The following SPNS2 variants were observed in gnomAD, a reference collection of about 807,000 sequenced individuals.
The protein encoded by SPNS2 is SPNS lysolipid transporter 2, sphingosine-1-phosphate.
Under a neutral mutation model 57.6 loss-of-function variants are expected in SPNS2, and 37 were observed. That is an observed-to-expected ratio of 0.64 (90% CI 0.49 to 0.85). The LOEUF is 0.85. Among genes scored for constraint, SPNS2 ranks in the 40% least tolerant of loss-of-function variants. The pLI is 0.00. For synonymous variants in SPNS2, 440 were observed against 346.9 expected (o/e 1.27, Z -2.98); for missense variants, 831 against 779.1 (o/e 1.07, Z -0.79).
intron 1 of SPNS2, among the ~76,000 whole-genome samples, chr17:4,509,631 C>G (rs1265645276): frequency 6.6e-6 from 1 of 152,252 alleles, no homozygotes; most frequent in Non-Finnish European, 1.5e-5. Context: ...CCCAGCGCAG[C>G]CTCCCTGCCA....
Position 4,511,528 on chromosome 17 carries a change from C to T in SPNS2, c.371-1719C>T, listed in dbSNP as rs1284067520. On this transcript the variant is annotated intron_variant, in intron 1 of 12. Coordinates refer to ENST00000329078, the MANE Select transcript of SPNS2 (RefSeq NM_001124758.3). This position sits in a 1 kb window ranked among gnomAD's most constrained non-coding sequence, Gnocchi z 4.6. ...CAGGAGGGGGAACAGAGTCCTGACCCAGAAAGGAATGGGTTGTGGGGCTGT... is the reference window on the plus strand; with the variant it reads ...CAGGAGGGGGAACAGAGTCCTGACCTAGAAAGGAATGGGTTGTGGGGCTGT... Among the ~76,000 whole-genome samples, 1 of 152,152 alleles carries T rather than the reference C, an allele frequency of 6.6e-6. No homozygotes were observed. The highest frequency in any genetic ancestry group is 1.5e-5 in the Non-Finnish European group (1 of 68,024).
At chr17:4,518,732 C>G (rs1026229775) in intron 2 of SPNS2, among the ~76,000 whole-genome samples, 3 of 152,150 alleles carry the variant, frequency 2.0e-5, no homozygotes, top group African/African-American at 7.2e-5. Context: ...CCAGACAGTG[C>G]CTCTGTTTTG....
At chr17:4,518,517 C>T (rs1462802367) in intron 2 of SPNS2, among the ~76,000 whole-genome samples, 7 of 151,954 alleles carry the variant, frequency 4.6e-5, no homozygotes, top group African/African-American at 7.3e-5. Flanking sequence ...AGCGAGACTC[C>T]GTCTCAAAAA....
chr17:4,531,346 C>A (rs954383809), intron 5 of SPNS2, among the ~76,000 whole-genome samples: 3 of 152,098 alleles, frequency 2.0e-5, no homozygotes, highest in Non-Finnish European at 4.4e-5. Flanking sequence ...GCCCTCGGGG[C>A]CCCCAGGCTG....
intron 2 of SPNS2, among the ~76,000 whole-genome samples, chr17:4,517,930 T>C (rs1905037074): frequency 6.6e-6 from 1 of 152,218 alleles, no homozygotes; most frequent in Admixed American, 6.5e-5. Context: ...GGTGAGTTAA[T>C]GAGTAGACTA....
At chr17:4,533,596 T>C (rs1905608029) in intron 8 of SPNS2, 164 bp downstream of exon 8, 10 of 1,014,372 alleles carry the variant, frequency 9.9e-6, no homozygotes, top group Middle Eastern at 4.6e-4. Flanking sequence ...ACACAGCCTG[T>C]CCAGGGCCTC....
rs1597360017 is a variant in SPNS2 at position 4,510,536 on chromosome 17, T to A, written c.371-2711T>A. On this transcript the variant is annotated intron_variant, in intron 1 of 12. Transcript: ENST00000329078. The surrounding 1 kb of genome is among the most constrained non-coding windows in gnomAD (Gnocchi z 4.4). ...GGATACTGCAGGGAGGAAGCGAGAG[T>A]GCTTTGATTTGCCGTGGACACAGGA... Among the ~76,000 whole-genome samples the A allele has an allele frequency of 6.6e-6, 1 of 151,720 alleles. No individual in the cohort carries two copies. Among genetic ancestry groups the A allele is most frequent in the Admixed American group, 6.6e-5 (1 of 15,248 alleles).
At position 4,513,431 on chromosome 17, in the gene SPNS2, G is replaced by A. The variant is rs915763738; in HGVS notation, c.436+119G>A. 4.6e-6 allele frequency: 5 copies of A among 1,080,226 alleles called. No homozygotes were observed. In the African/African-American group the frequency reaches 7.7e-5, roughly 17 times the overall value. The allele number at this position is 1,080,226 out of a possible 1,614,324, so 66.9% of individuals were successfully genotyped here. On this transcript the variant is annotated intron_variant, in intron 2 of 12. Coordinates refer to ENST00000329078, the MANE Select transcript of SPNS2 (RefSeq NM_001124758.3). ...CCCTGTCCTGACTCCTGGAAAGAGAGTGGGCTTTGCATCCCAGTCTCACTA... is the reference window on the plus strand; with the variant it reads ...CCCTGTCCTGACTCCTGGAAAGAGAATGGGCTTTGCATCCCAGTCTCACTA...
chr17:4,535,236 CTGCT>C (rs1443389060), intron 9 of SPNS2, among the ~76,000 whole-genome samples: 1 of 152,162 alleles, frequency 6.6e-6, no homozygotes, highest in Non-Finnish European at 1.5e-5. Flanking sequence ...AGGTTGGGGC[CTGCT>C]TGGTCTGATG....
At chr17:4,532,878 C>A in intron 6 of SPNS2, 99 bp from the exon 7 acceptor site, 2 of 1,504,350 alleles carry the variant, frequency 1.3e-6, no homozygotes, top group Non-Finnish European at 1.8e-6. Context: ...GCCTGTAAGA[C>A]GAGGCATTTG....
chr17:4,501,149 T>C (rs1203100840), intron 1 of SPNS2, among the ~76,000 whole-genome samples: 1 of 152,212 alleles, frequency 6.6e-6, no homozygotes, highest in Non-Finnish European at 1.5e-5. Flanking sequence ...GCAAAGCTGG[T>C]GTTAGCTCTA....
At chr17:4,533,563 C>T (rs1402307775) in intron 8 of SPNS2, 131 bp downstream of exon 8, 1 of 1,115,452 alleles carries the variant, frequency 9.0e-7, no homozygotes, top group South Asian at 1.6e-5. Flanking sequence ...CTGGCTGCCC[C>T]TGCTCATCCC....
chr17:4,527,043 C>G (rs1905278244), intron 3 of SPNS2, among the ~76,000 whole-genome samples: 1 of 152,304 alleles, frequency 6.6e-6, no homozygotes, highest in Non-Finnish European at 1.5e-5. Context: ...AAGTCTAGGA[C>G]CACCATGCCA....
At chr17:4,533,732 T>C in intron 8 of SPNS2, 56 bp from the exon 9 acceptor site, 1 of 1,590,626 alleles carries the variant, frequency 6.3e-7, no homozygotes, top group Non-Finnish European at 8.6e-7. Context: ...GAACAGAGAC[T>C]GTGGTTGCTG....
intron 3 of SPNS2, among the ~76,000 whole-genome samples, chr17:4,528,694 C>T (rs1322081580): frequency 6.6e-6 from 1 of 152,086 alleles, no homozygotes. Flanking sequence ...CCAGGCTGGT[C>T]TCGAACTCCT....
rs1239461978 is a variant in SPNS2 at position 4,534,877 on chromosome 17, C to A, written c.1344+1024C>A. Among the ~76,000 whole-genome samples the A allele has an allele frequency of 6.6e-5, 10 of 152,242 alleles. No homozygotes were observed. The East Asian group carries it at 1.7e-3, about 27-fold the overall frequency. On this transcript the variant is annotated intron_variant, in intron 9 of 12. Coordinates refer to ENST00000329078, the MANE Select transcript of SPNS2 (RefSeq NM_001124758.3). ...GGCAGGACCCCCTCTCCTGCCTCCACCCCCAGGGAGCGCCTGACAGCTGCC... is the reference window on the plus strand; with the variant it reads ...GGCAGGACCCCCTCTCCTGCCTCCAACCCCAGGGAGCGCCTGACAGCTGCC...
At position 4,533,725 on chromosome 17, in the gene SPNS2, C is replaced by T. The variant is rs1597370192; in HGVS notation, c.1279-63C>T. On this transcript the variant is annotated intron_variant, in intron 8 of 12. Transcript: ENST00000329078. ...CTGCCAGCAGCCAGTGTGTAGGGAACAGAGACTGTGGTTGCTGCGGATGGA... is the reference window on the plus strand; with the variant it reads ...CTGCCAGCAGCCAGTGTGTAGGGAATAGAGACTGTGGTTGCTGCGGATGGA... The T allele has an allele frequency of 1.2e-5, 19 of 1,579,882 alleles. No individual in the cohort carries two copies. In the East Asian group the frequency reaches 3.6e-4, roughly 30 times the overall value.
In SPNS2 at chr17:4,538,921, C is replaced by A. The variant is rs758117327; in HGVS notation, c.*1473C>A. On this transcript the variant is annotated 3_prime_UTR_variant, in exon 13 of 13. Transcript: ENST00000329078. ...TCCGAGTGTTGCCTCCTCTTCCTTC[C>A]GGAAGCCAAACTGCTCCTTTATTTT... is the stretch of plus-strand genomic sequence containing the variant. The A allele has an allele frequency of 1.3e-6, 1 of 782,520 alleles. No homozygotes were observed. Among genetic ancestry groups the A allele is most frequent in the Non-Finnish European group, 2.4e-6 (1 of 419,426 alleles). 48.5% of individuals were successfully genotyped at this position (782,520 alleles called of 1,614,324 possible).
chr17:4,535,594 G>A (rs1490788344), intron 9 of SPNS2, among the ~76,000 whole-genome samples: 1 of 151,850 alleles, frequency 6.6e-6, no homozygotes, highest in Non-Finnish European at 1.5e-5. Context: ...GATGGCTCGG[G>A]TACTCCGAGG....
Sources: gnomAD v4.1 joint callset for allele counts (sites outside exome capture counted in the v4.1 genomes callset) on GRCh38, gnomAD v4.1.1 for gene constraint, Gnocchi (gnomAD v3.1) non-coding constraint, MANE v1.5 for transcripts, NCBI Gene and HGNC (gene_info 2026-07-23, HGNC 2026-07-21) for gene names.